KIAA0825: variants seen among roughly 807,000 people sequenced by gnomAD.
The protein encoded by KIAA0825 is KIAA0825, also known as uncharacterized protein KIAA0825.
Under a neutral mutation model 147.6 loss-of-function variants are expected in KIAA0825, and 119 were observed. The ratio of observed to expected loss-of-function variants is 0.81; its 90% CI spans 0.69 to 0.94. KIAA0825 has a LOEUF of 0.94. Among genes scored for constraint, KIAA0825 ranks in the 40% least tolerant of loss-of-function variants. The pLI, the probability that KIAA0825 is intolerant of heterozygous loss-of-function variation, is 0.00. For synonymous variants in KIAA0825, 470 were observed against 518.1 expected (o/e 0.91, Z 1.26); for missense variants, 1,381 against 1,472.7 (o/e 0.94, Z 1.02).
chr5:94,378,120 T>C (rs1238307768), intron 20 of KIAA0825, among the ~76,000 whole-genome samples: 1 of 152,124 alleles, frequency 6.6e-6, no homozygotes, highest in African/African-American at 2.4e-5. Context: ...TAACTTTTAT[T>C]TTAGGTTCAG....
At chr5:94,255,353 C>A (rs1234739980) in intron 20 of KIAA0825, among the ~76,000 whole-genome samples, 1 of 151,630 alleles carries the variant, frequency 6.6e-6, no homozygotes, top group Admixed American at 6.6e-5. Flanking sequence ...CCCTAGATAC[C>A]AAGCATGAAG....
intron 2 of KIAA0825, among the ~76,000 whole-genome samples, chr5:94,549,762 G>A (rs1039642547): frequency 1.6e-4 from 25 of 152,136 alleles, no homozygotes; most frequent in South Asian, 4.1e-4. Flanking sequence ...GGAATATAAC[G>A]AAAGCAGTAC....
At chr5:94,324,025 T>C (rs950592108) in intron 20 of KIAA0825, among the ~76,000 whole-genome samples, 23 of 152,024 alleles carry the variant, frequency 1.5e-4, no homozygotes, top group Non-Finnish European at 3.2e-4. Context: ...GAAGAGAGCC[T>C]TCAAAGGCTA....
At position 94,523,996 on chromosome 5, in the gene KIAA0825, A is replaced by G. The variant is rs772197463; in HGVS notation, c.234T>C (p.Tyr78=). 5.0e-6 allele frequency: 8 copies of G among 1,609,536 alleles called. No individual in the cohort carries two copies. The African/African-American group carries it at 9.4e-5, about 19-fold the overall frequency. ...TTDCFEWLTN[Y]NYSTSESSFI... ...AAGATGATTCAGATGTACTGTAATT[A>G]TAGTTAGTTAGCCATTCAAAGCAGT... is the stretch of plus-strand genomic sequence containing the variant. Residue 78 remains tyrosine, a synonymous_variant, in exon 4 of 21, where the codon TAT becomes TAC. Transcript: ENST00000682413.
At chr5:94,481,731 T>A (rs1167086897) in intron 6 of KIAA0825, among the ~76,000 whole-genome samples, 1 of 152,048 alleles carries the variant, frequency 6.6e-6, no homozygotes, top group Non-Finnish European at 1.5e-5. Flanking sequence ...TAGAAGCCAT[T>A]TGACCCCTCT....
chr5:94,268,828 T>G (rs1776854670), intron 20 of KIAA0825, among the ~76,000 whole-genome samples: 1 of 152,146 alleles, frequency 6.6e-6, no homozygotes, highest in Non-Finnish European at 1.5e-5. Context: ...AATAGATGTT[T>G]TCAACCTGGC....
intron 20 of KIAA0825, among the ~76,000 whole-genome samples, chr5:94,232,884 T>G (rs796129940): frequency 9.9e-5 from 15 of 152,252 alleles, no homozygotes; most frequent in African/African-American, 3.6e-4. Flanking sequence ...GTACAAGATT[T>G]TTTCCCTTAT....
chr5:94,486,183 A>C (rs1763036404), intron 5 of KIAA0825, among the ~76,000 whole-genome samples: 1 of 152,016 alleles, frequency 6.6e-6, no homozygotes, highest in South Asian at 2.1e-4. Context: ...CATATTTAAG[A>C]GATAGCTTGA....
At chr5:94,591,435 C>G (rs1437097023) in intron 1 of KIAA0825, among the ~76,000 whole-genome samples, 1 of 152,168 alleles carries the variant, frequency 6.6e-6, no homozygotes, top group Admixed American at 6.6e-5. Flanking sequence ...TGATATGCTT[C>G]AAGACATGAA....
At chr5:94,473,188 C>G in intron 8 of KIAA0825, 104 bp downstream of exon 8, 1 of 865,024 alleles carries the variant, frequency 1.2e-6, no homozygotes, top group South Asian at 1.7e-5. Flanking sequence ...AAGTACTTGC[C>G]AAGGGACTCC....
intron 20 of KIAA0825, among the ~76,000 whole-genome samples, chr5:94,158,809 G>A (rs1263317335): frequency 6.6e-6 from 1 of 152,132 alleles, no homozygotes. Flanking sequence ...TAATAATAGT[G>A]CCTGCTTCAC....
chr5:94,576,485 C>T (rs1333947731), intron 2 of KIAA0825, among the ~76,000 whole-genome samples: 2 of 152,052 alleles, frequency 1.3e-5, no homozygotes, highest in African/African-American at 4.8e-5. Flanking sequence ...GAGATTTGAA[C>T]AAGCATGCTC....
chr5:94,391,706 GA>G lies in KIAA0825; in HGVS notation c.3297-13del. ...TTGTCATAAATGCACTAAATACAAA[GA>G]AAGCATATACATATCAGTAGTGAAG... On this transcript the variant is annotated splice_polypyrimidine_tract_variant and intron_variant, in intron 17 of 20. Transcript: ENST00000682413. The G allele has an allele frequency of 6.6e-7, 1 of 1,520,832 alleles. No individual in the cohort carries two copies. Among genetic ancestry groups the G allele is most frequent in the Non-Finnish European group, 8.8e-7 (1 of 1,131,408 alleles). The allele number at this position is 1,520,832 out of a possible 1,614,324, so 94.2% of individuals were successfully genotyped here.
At chr5:94,359,529 G>GTC (rs1744777629) in intron 20 of KIAA0825, among the ~76,000 whole-genome samples, 1 of 152,070 alleles carries the variant, frequency 6.6e-6, no homozygotes, top group South Asian at 2.1e-4. Flanking sequence ...GGCCGAGATG[G>GTC]GATGATTGCT....
At chr5:94,313,328 G>A (rs1779344358) in intron 20 of KIAA0825, among the ~76,000 whole-genome samples, 1 of 151,698 alleles carries the variant, frequency 6.6e-6, no homozygotes, top group South Asian at 2.1e-4. Context: ...TAACTTTTAC[G>A]GCTCGATATG....
intron 20 of KIAA0825, among the ~76,000 whole-genome samples, chr5:94,272,908 C>A (rs1346247553): frequency 6.6e-6 from 1 of 152,178 alleles, no homozygotes; most frequent in African/African-American, 2.4e-5. Flanking sequence ...CTCCTTCTGT[C>A]TTGTTTACTT....
intron 20 of KIAA0825, among the ~76,000 whole-genome samples, chr5:94,194,082 C>G (rs1267337136): frequency 6.6e-6 from 1 of 152,110 alleles, no homozygotes; most frequent in African/African-American, 2.4e-5. Context: ...GTCAATTTCC[C>G]TCCCTAGACA....
chr5:94,209,941 T>C (rs1217810904), intron 20 of KIAA0825, among the ~76,000 whole-genome samples: 1 of 152,214 alleles, frequency 6.6e-6, no homozygotes, highest in Admixed American at 6.5e-5. Context: ...GGGTTTCATC[T>C]TTGCCCATCA....
intron 16 of KIAA0825, among the ~76,000 whole-genome samples, chr5:94,401,053 CTA>C (rs1751308989): frequency 6.6e-6 from 1 of 151,734 alleles, no homozygotes; most frequent in Non-Finnish European, 1.5e-5. Flanking sequence ...TTATATATCA[CTA>C]AATTAAAACA....
Sources: gnomAD v4.1 joint callset for allele counts (sites outside exome capture counted in the v4.1 genomes callset) on GRCh38, gnomAD v4.1.1 for gene constraint, MANE v1.5 for transcripts, NCBI Gene and HGNC (gene_info 2026-07-23, HGNC 2026-07-21) for gene names.